Variants in ACVR1 observed in about 807,000 individuals in gnomAD.
ACVR1 encodes the protein activin A receptor type 1, also known as activin receptor type-1.
ACVR1 carries 38 observed loss-of-function variants against 57.1 expected under a neutral mutation model. The observed-to-expected ratio is 0.67, with a 90% CI of 0.51 to 0.87. The LOEUF is 0.87. ACVR1 is among the 40% of genes least tolerant of loss of function. The pLI, the probability that ACVR1 is intolerant of heterozygous loss-of-function variation, is 0.00. For missense variants in ACVR1, 463 were observed against 638.2 expected (o/e 0.73, Z 2.96); for synonymous variants, 212 against 228.1 (o/e 0.93, Z 0.63).
At chr2:157,796,060 C>CA (rs1012946497) in intron 3 of ACVR1, among the ~76,000 whole-genome samples, 2 of 151,414 alleles carry the variant, frequency 1.3e-5, no homozygotes, top group Non-Finnish European at 2.9e-5. Context: ...CCCAGCTCTA[C>CA]AAAAAATACA....
At position 157,806,718 on chromosome 2, in the gene ACVR1, T is replaced by A. The variant is rs981808659; in HGVS notation, c.-7-7218A>T. The stretch of plus-strand genomic sequence containing the variant: ...GTCAGTAATAGCTGCAAAGAAAGGT[T>A]AAACCGAAGCTATCATACCATGTAA... On this transcript the variant is annotated intron_variant, in intron 2 of 10. Coordinates refer to ENST00000434821, the MANE Select transcript of ACVR1 (RefSeq NM_001111067.4). The A allele has an allele frequency of 7.2e-5, 11 of 152,218 alleles. 1 individual carries two copies. The highest frequency in any genetic ancestry group is 7.2e-4 in the Admixed American group (11 of 15,274). The allele number at this position is 152,218 out of a possible 1,614,324, so 9.4% of individuals were successfully genotyped here.
chr2:157,855,268 AAGTGTGT>A (rs1689470985), intron 1 of ACVR1, among the ~76,000 whole-genome samples: 3 of 107,150 alleles, frequency 2.8e-5, no homozygotes, highest in African/African-American at 1.2e-4. Flanking sequence ...AAAAAAAAAA[AAGTGTGT>A]GTGTGTGTGT....
At chr2:157,795,966 G>A (rs988320547) in intron 3 of ACVR1, among the ~76,000 whole-genome samples, 1 of 152,152 alleles carries the variant, frequency 6.6e-6, no homozygotes, top group Non-Finnish European at 1.5e-5. Flanking sequence ...GCTCACGCCT[G>A]TAATCCCAGC....
At chr2:157,860,811 C>CA (rs1426789847) in intron 1 of ACVR1, among the ~76,000 whole-genome samples, 1 of 152,128 alleles carries the variant, frequency 6.6e-6, no homozygotes, top group African/African-American at 2.4e-5. Context: ...GCTCTCCCAT[C>CA]CTTTACCCCT....
chr2:157,745,042 A>G (rs764101623), intron 9 of ACVR1, among the ~76,000 whole-genome samples: 1 of 152,240 alleles, frequency 6.6e-6, no homozygotes. Context: ...AGCCATGTAC[A>G]TTACTCAAAG....
At position 157,780,430 on chromosome 2, in the gene ACVR1, T is replaced by A; in HGVS notation, c.238A>T (p.Thr80Ser). 1 of 1,614,120 alleles carries A rather than the reference T, an allele frequency of 6.2e-7. No individual in the cohort carries two copies. The highest frequency in any genetic ancestry group is 8.5e-7 in the Non-Finnish European group (1 of 1,180,026). Reference protein sequence around the residue: ...CFQVYEQGKMTCKTPPSPGQA... With the variant: ...CFQVYEQGKMSCKTPPSPGQA... ...CCAGGGGACGGCGGGGTCTTACAGG[T>A]CATCTTTCCCTGCTCATAAACCTGG... is the stretch of plus-strand genomic sequence containing the variant. The change falls in exon 4 of 11, where the codon ACC becomes TCC. Residue 80 changes from threonine to serine, a missense_variant. Physicochemically the swap from Thr to Ser is moderately conservative, Grantham distance 58 (BLOSUM62 1). This residue lies in a region of ACVR1 where 203 missense variants were observed against 235.5 expected (regional missense o/e 0.86). Coordinates refer to ENST00000434821, the MANE Select transcript of ACVR1 (RefSeq NM_001111067.4).
chr2:157,861,987 A>G (rs1238757891), intron 1 of ACVR1, among the ~76,000 whole-genome samples: 1 of 152,240 alleles, frequency 6.6e-6, no homozygotes, highest in Non-Finnish European at 1.5e-5. Context: ...CGGCATTATA[A>G]TACATCATTT....
intron 9 of ACVR1, among the ~76,000 whole-genome samples, chr2:157,759,353 C>A (rs1279535636): frequency 6.6e-6 from 1 of 151,828 alleles, no homozygotes; most frequent in African/African-American, 2.4e-5. Flanking sequence ...GAGATTATTA[C>A]AAACAAATTG....
At chr2:157,841,822 G>T (rs192160667) in intron 1 of ACVR1, among the ~76,000 whole-genome samples, 8 of 152,184 alleles carry the variant, frequency 5.3e-5, no homozygotes, top group African/African-American at 1.7e-4. Flanking sequence ...AGGAGATCGA[G>T]ATCATCCTGG....
At chr2:157,824,418 T>C (rs981077602) in intron 1 of ACVR1, among the ~76,000 whole-genome samples, 2 of 152,116 alleles carry the variant, frequency 1.3e-5, no homozygotes, top group Admixed American at 1.3e-4. Flanking sequence ...CAGTGAGCCA[T>C]GTTCATGCCA....
intron 2 of ACVR1, among the ~76,000 whole-genome samples, chr2:157,817,525 T>C (rs1217451308): frequency 6.6e-6 from 1 of 152,146 alleles, no homozygotes; most frequent in Non-Finnish European, 1.5e-5. Context: ...ATGTAAACTA[T>C]TGCCTTTGGG....
intron 8 of ACVR1, among the ~76,000 whole-genome samples, chr2:157,761,339 T>C (rs1425792321): frequency 2.0e-5 from 3 of 152,170 alleles, no homozygotes; most frequent in Non-Finnish European, 2.9e-5. Flanking sequence ...GGGTAAATTG[T>C]AGACCAATGC....
intron 2 of ACVR1, among the ~76,000 whole-genome samples, chr2:157,808,802 A>G (rs185158419): frequency 2.0e-5 from 3 of 152,064 alleles, no homozygotes; most frequent in East Asian, 3.9e-4. Flanking sequence ...GAGAACCCCA[A>G]GGAAGTGTCA....
chr2:157,802,839 A>G (rs1479248014), intron 2 of ACVR1, among the ~76,000 whole-genome samples: 1 of 152,212 alleles, frequency 6.6e-6, no homozygotes, highest in Non-Finnish European at 1.5e-5. Flanking sequence ...AGGAAAATCT[A>G]TAGTCTATCT....
chr2:157,845,579 T>C (rs567134907), intron 1 of ACVR1, among the ~76,000 whole-genome samples: 2 of 151,090 alleles, frequency 1.3e-5, no homozygotes, highest in Admixed American at 1.3e-4. Context: ...GGCAGTTACA[T>C]TGCTGTTGTT....
At chr2:157,801,339 T>C (rs530206733) in intron 2 of ACVR1, among the ~76,000 whole-genome samples, 3 of 152,286 alleles carry the variant, frequency 2.0e-5, no homozygotes, top group Non-Finnish European at 2.9e-5. Flanking sequence ...ACAGGTTATA[T>C]TGGCTACTTA....
In ACVR1 at chr2:157,737,397, G is replaced by A. The variant is rs903012282; in HGVS notation, c.*134C>T. 8 of 1,199,054 alleles carry A rather than the reference G, an allele frequency of 6.7e-6. No individual in the cohort carries two copies. The highest frequency in any genetic ancestry group is 1.5e-5 in the African/African-American group (1 of 65,790). 74.3% of individuals were successfully genotyped at this position (1,199,054 alleles called of 1,614,324 possible). On this transcript the variant is annotated 3_prime_UTR_variant, in exon 11 of 11. Coordinates refer to ENST00000434821, the MANE Select transcript of ACVR1 (RefSeq NM_001111067.4). ...TCCCCAACACATGGCTGGGTACGAC[G>A]TCTGCCTTGTCAAAGCAGCCATTTG...
intron 5 of ACVR1, among the ~76,000 whole-genome samples, chr2:157,774,523 C>A (rs182849164): frequency 0.011 from 1,740 of 152,264 alleles, 17 homozygotes; most frequent in South Asian, 0.021. Flanking sequence ...CGCCACCACG[C>A]CCGGCTAATT....
intron 1 of ACVR1, among the ~76,000 whole-genome samples, chr2:157,871,888 A>C (rs1690126310): frequency 6.6e-6 from 1 of 152,234 alleles, no homozygotes; most frequent in Non-Finnish European, 1.5e-5. Flanking sequence ...TCTGAACCAA[A>C]GGCTGTGATG....
Sources: allele counts gnomAD v4.1 joint callset (sites outside exome capture counted in the v4.1 genomes callset), GRCh38; gene constraint gnomAD v4.1.1; regional missense constraint gnomAD v4.1.1; transcripts MANE v1.5; gene names NCBI Gene and HGNC (gene_info 2026-07-23, HGNC 2026-07-21).